The following LRP1B variants were observed in gnomAD, a reference collection of about 807,000 sequenced individuals.
The protein encoded by LRP1B is low-density lipoprotein receptor-related protein 1B.
A neutral mutation model predicts 556.6 loss-of-function variants in LRP1B; 217 were observed. That is an observed-to-expected ratio of 0.39 (90% CI 0.35 to 0.44). LRP1B has a LOEUF of 0.44. Among genes scored for constraint, LRP1B ranks in the 20% least tolerant of loss-of-function variants. LRP1B has a pLI of 1.00. For missense variants in LRP1B, 5,053 were observed against 5,620.8 expected (o/e 0.90, Z 3.23); for synonymous variants, 2,047 against 1,865.8 (o/e 1.10, Z -2.50).
chr2:141,653,204 G>T (rs1377214438), intron 2 of LRP1B, among the ~76,000 whole-genome samples: 1 of 152,124 alleles, frequency 6.6e-6, no homozygotes, highest in African/African-American at 2.4e-5. Flanking sequence ...TGAATTCAAA[G>T]CTTGGTGAGG....
At chr2:141,343,297 G>C (rs1179643629) in intron 3 of LRP1B, among the ~76,000 whole-genome samples, 1 of 152,074 alleles carries the variant, frequency 6.6e-6, no homozygotes, top group Non-Finnish European at 1.5e-5. Context: ...AGTCTTTCCT[G>C]TAGCTTCTTG....
intron 2 of LRP1B, among the ~76,000 whole-genome samples, chr2:141,742,006 A>G (rs1191181023): frequency 6.6e-6 from 1 of 152,176 alleles, no homozygotes; most frequent in Non-Finnish European, 1.5e-5. Context: ...ATTCTTCTGC[A>G]TATGAATATC....
At position 141,266,323 on chromosome 2, in the gene LRP1B, C is replaced by CCA. The variant is rs1279317341; in HGVS notation, c.344-11683_344-11682insTG. Among the ~76,000 whole-genome samples, 134 of 73,310 alleles carry CCA rather than the reference C, an allele frequency of 1.8e-3. 1 individual carries two copies. Among genetic ancestry groups the CCA allele is most frequent in the Non-Finnish European group, 3.0e-3 (114 of 38,222 alleles). 48.1% of individuals were successfully genotyped at this position (73,310 alleles called of 152,430 possible). Reference sequence around the variant, plus strand: ...TGAGTGATGGAGCGAGACTCTGTTTCAAAAAAAAAAAAAAAAAAAAGAATA... The same window carrying CCA: ...TGAGTGATGGAGCGAGACTCTGTTTCCAAAAAAAAAAAAAAAAAAAAAGAATA... On this transcript the variant is annotated intron_variant, in intron 3 of 90. Coordinates refer to ENST00000389484, the MANE Select transcript of LRP1B (RefSeq NM_018557.3).
intron 48 of LRP1B, 37 bp from the exon 49 acceptor site, chr2:140,526,030 A>C: frequency 6.2e-7 from 1 of 1,601,108 alleles, no homozygotes; most frequent in Middle Eastern, 1.7e-4. Context: ...AAAGTACCTC[A>C]TTTTCAAAGA....
chr2:141,130,195 A>G (rs1701314763), intron 7 of LRP1B, among the ~76,000 whole-genome samples: 1 of 151,034 alleles, frequency 6.6e-6, no homozygotes, highest in South Asian at 2.1e-4. Flanking sequence ...AACATAGCCA[A>G]AAGAAAAACT....
chr2:140,538,471 G>A (rs1046546593), intron 45 of LRP1B, among the ~76,000 whole-genome samples: 4 of 152,102 alleles, frequency 2.6e-5, no homozygotes, highest in Non-Finnish European at 5.9e-5. Context: ...ATTAGAACAC[G>A]TGGTATTTGG....
chr2:142,087,877 C>A (rs913031268), intron 1 of LRP1B, among the ~76,000 whole-genome samples: 2 of 151,974 alleles, frequency 1.3e-5, no homozygotes, highest in Non-Finnish European at 2.9e-5. Flanking sequence ...CTTAAGATGA[C>A]CTTTTACAAA....
At chr2:140,863,611 C>G (rs12466938) in intron 27 of LRP1B, among the ~76,000 whole-genome samples, 36,832 of 152,014 alleles carry the variant, frequency 0.24, 5,519 homozygotes, top group South Asian at 0.35. Flanking sequence ...ATTCTTTCCT[C>G]ACTTGCTGCT....
intron 1 of LRP1B, among the ~76,000 whole-genome samples, chr2:141,858,027 A>G (rs13430058): frequency 0.034 from 5,130 of 152,240 alleles, 273 homozygotes; most frequent in African/African-American, 0.12. Flanking sequence ...ACATCCAATT[A>G]TGATATAAAG....
chr2:142,013,492 A>G (rs987647405), intron 1 of LRP1B, among the ~76,000 whole-genome samples: 1 of 152,152 alleles, frequency 6.6e-6, no homozygotes, highest in Non-Finnish European at 1.5e-5. Context: ...CAAGAACTAT[A>G]TAAGTATTAA....
intron 66 of LRP1B, among the ~76,000 whole-genome samples, chr2:140,415,021 C>T (rs4954833): frequency 0.12 from 17,877 of 152,016 alleles, 1,469 homozygotes; most frequent in African/African-American, 0.23. Flanking sequence ...AGTCTATAAA[C>T]GGCTGCTCTG....
At chr2:141,299,875 G>A (rs1480537629) in intron 3 of LRP1B, among the ~76,000 whole-genome samples, 1 of 152,176 alleles carries the variant, frequency 6.6e-6, no homozygotes, top group Non-Finnish European at 1.5e-5. Flanking sequence ...ATCTTAGTGT[G>A]TAGCATTGTT....
intron 2 of LRP1B, among the ~76,000 whole-genome samples, chr2:141,763,561 G>T (rs1694632860): frequency 6.6e-6 from 1 of 152,078 alleles, no homozygotes; most frequent in South Asian, 2.1e-4. Context: ...GTCAGTGATG[G>T]TAAGTTTTTT....
At chr2:141,209,053 C>G (rs1682426141) in intron 6 of LRP1B, among the ~76,000 whole-genome samples, 1 of 151,992 alleles carries the variant, frequency 6.6e-6, no homozygotes, top group African/African-American at 2.4e-5. Flanking sequence ...TCCTTAGAAA[C>G]AAGCACCTAC....
At chr2:141,042,473 A>C (rs1274315062) in intron 11 of LRP1B, among the ~76,000 whole-genome samples, 1 of 152,102 alleles carries the variant, frequency 6.6e-6, no homozygotes, top group Non-Finnish European at 1.5e-5. Context: ...TTTGTCTCTG[A>C]AGTTTCATGT....
intron 7 of LRP1B, among the ~76,000 whole-genome samples, chr2:141,185,022 C>T (rs1411585543): frequency 6.6e-6 from 1 of 151,994 alleles, no homozygotes; most frequent in Non-Finnish European, 1.5e-5. Context: ...ATATTGGTCT[C>T]ATTATTCTAT....
chr2:140,611,671 T>C (rs1020394498), intron 41 of LRP1B, among the ~76,000 whole-genome samples: 7 of 152,234 alleles, frequency 4.6e-5, no homozygotes, highest in East Asian at 3.9e-4. Context: ...TGCTTTGACA[T>C]TGAACTCAAT....
At position 140,705,463 on chromosome 2, in the gene LRP1B, G is replaced by A. The variant is rs554338749; in HGVS notation, c.6024-2910C>T. On this transcript the variant is annotated intron_variant, in intron 37 of 90. Transcript: ENST00000389484. Reference sequence around the variant, plus strand: ...CACTGGAACCCGGGACACAGAGTCCGCAGTGAGCCAAGATCACACCATTGC... The same window carrying A: ...CACTGGAACCCGGGACACAGAGTCCACAGTGAGCCAAGATCACACCATTGC... 1.3e-4 allele frequency among the ~76,000 whole-genome samples: 17 copies of A among 133,156 alleles called. No individual in the cohort carries two copies. The South Asian group carries it at 3.4e-3, about 27-fold the overall frequency. 87.4% of individuals were successfully genotyped at this position (133,156 alleles called of 152,430 possible). A position where few individuals can be genotyped will look rare whatever the true frequency, so the allele number is the denominator to read the frequency against.
intron 9 of LRP1B, 39 bp downstream of exon 9, chr2:141,058,844 C>T (rs1699257932): frequency 1.3e-6 from 2 of 1,504,572 alleles, no homozygotes; most frequent in Non-Finnish European, 1.8e-6. Context: ...CCCATTCAAT[C>T]TACCATTAGG....
Sources: gnomAD v4.1 joint callset for allele counts (sites outside exome capture counted in the v4.1 genomes callset) on GRCh38, gnomAD v4.1.1 for gene constraint, MANE v1.5 for transcripts, NCBI Gene and HGNC (gene_info 2026-07-23, HGNC 2026-07-21) for gene names.